KIAA0513: variants seen among roughly 807,000 people sequenced by gnomAD.
KIAA0513 encodes the protein uncharacterized protein KIAA0513.
A neutral mutation model predicts 56.5 loss-of-function variants in KIAA0513; 39 were observed. The ratio of observed to expected loss-of-function variants is 0.69; its 90% CI spans 0.53 to 0.90. KIAA0513 has a LOEUF of 0.90. KIAA0513 is among the 40% of genes least tolerant of loss of function. The probability of loss-of-function intolerance (pLI) is 0.00; values close to 1 mark genes in which losing one functional copy is unlikely to be tolerated. For synonymous variants in KIAA0513, 268 were observed against 215.6 expected (o/e 1.24, Z -2.13); for missense variants, 591 against 535.2 (o/e 1.10, Z -1.03).
Position 85,066,925 on chromosome 16 carries a change from G to A in KIAA0513, c.-147G>A, listed in dbSNP as rs2073490553. ...ATGCCGTAGGGCCAGGTGAGCTGCT[G>A]TGAAGGACTCATTCTTGGTAGCCGG... On this transcript the variant is annotated 5_prime_UTR_variant, in exon 2 of 13. It adds an upstream start codon to the 5' untranslated region. Coordinates refer to ENST00000683363, the MANE Select transcript of KIAA0513 (RefSeq NM_001388359.1). 1.6e-6 allele frequency: 1 copy of A among 613,818 alleles called. No individual in the cohort carries two copies. Among genetic ancestry groups the A allele is most frequent in the Middle Eastern group, 4.5e-4 (1 of 2,240 alleles). The allele number at this position is 613,818 out of a possible 1,614,324, so 38.0% of individuals were successfully genotyped here. A position where few individuals can be genotyped will look rare whatever the true frequency, so the allele number is the denominator to read the frequency against.
chr16:85,067,371 T>C lies in KIAA0513; in HGVS notation c.300T>C (p.Arg100=). The part of the protein sequence containing the change: ...EETLALRDFM[R]GYVEKIFSGG... ...CCCTGGCACTCAGGGACTTCATGCG[T>C]GGCTACGTGGAGAAGATCTTCTCTG... is the stretch of plus-strand genomic sequence containing the variant. Residue 100 remains arginine (R), a synonymous_variant, in exon 2 of 13, where the codon CGT becomes CGC. Coordinates refer to ENST00000683363, the MANE Select transcript of KIAA0513 (RefSeq NM_001388359.1). 2 of 1,605,692 alleles carry C rather than the reference T, an allele frequency of 1.2e-6. No individual in the cohort carries two copies. Among genetic ancestry groups the C allele is most frequent in the Non-Finnish European group, 1.7e-6 (2 of 1,179,820 alleles).
At chr16:85,044,547 G>A (rs1284331366) in intron 1 of KIAA0513, among the ~76,000 whole-genome samples, 3 of 147,860 alleles carry the variant, frequency 2.0e-5, no homozygotes, top group East Asian at 2.0e-4. Flanking sequence ...TCGCCCTGTC[G>A]CCAGGCTGGA....
At chr16:85,080,664 C>T (rs2073730537) in intron 8 of KIAA0513, among the ~76,000 whole-genome samples, 1 of 152,078 alleles carries the variant, frequency 6.6e-6, no homozygotes, top group Non-Finnish European at 1.5e-5. Context: ...TGTGGTGGCG[C>T]ATGCCTATAA....
intron 1 of KIAA0513, among the ~76,000 whole-genome samples, chr16:85,048,339 A>T (rs998786511): frequency 6.6e-6 from 1 of 152,216 alleles, no homozygotes; most frequent in Admixed American, 6.5e-5. Flanking sequence ...AAAGGTATCG[A>T]TGGAGACATG....
At position 85,081,220 on chromosome 16, in the gene KIAA0513, T is replaced by A. The variant is rs2073739222; in HGVS notation, c.903-95T>A. 3 of 1,091,710 alleles carry A rather than the reference T, an allele frequency of 2.7e-6. No individual in the cohort carries two copies. In the South Asian group the frequency reaches 3.8e-5, roughly 14 times the overall value. The allele number at this position is 1,091,710 out of a possible 1,614,324, so 67.6% of individuals were successfully genotyped here. ...GACTTCTTAGAAGCTCAGACAGATGTGAGACACTGCCCTTGTTTATCCCTC... is the reference window on the plus strand; with the variant it reads ...GACTTCTTAGAAGCTCAGACAGATGAGAGACACTGCCCTTGTTTATCCCTC... On this transcript the variant is annotated intron_variant, in intron 8 of 12. Transcript: ENST00000683363. The surrounding 1 kb of genome is among the most constrained non-coding windows in gnomAD (Gnocchi z 4.4).
chr16:85,043,401 A>ATTTTT (rs761248323), intron 1 of KIAA0513, among the ~76,000 whole-genome samples: 6 of 77,920 alleles, frequency 7.7e-5, no homozygotes, highest in Admixed American at 1.7e-4. Flanking sequence ...TGCTTCTTGG[A>ATTTTT]TTTTTTTTTT....
intron 1 of KIAA0513, among the ~76,000 whole-genome samples, chr16:85,062,455 T>C (rs1479265250): frequency 6.6e-6 from 1 of 151,862 alleles, no homozygotes. Context: ...CGCAGGGGGG[T>C]TGCAGTGCTT....
chr16:85,032,321 G>A, intron 1 of KIAA0513, among the ~76,000 whole-genome samples: 1 of 152,208 alleles, frequency 6.6e-6, no homozygotes, highest in East Asian at 1.9e-4. Flanking sequence ...TGGACCTGGG[G>A]TCCACACTAC....
At chr16:85,066,865 T>C (rs1217624598) in intron 1 of KIAA0513, 35 bp from the exon 2 acceptor site, 1 of 477,284 alleles carries the variant, frequency 2.1e-6, no homozygotes, top group East Asian at 3.4e-5. Flanking sequence ...TGGTGAGGAG[T>C]GGCGCTAATG....
rs745812239 is a variant in KIAA0513, at chr16:85,086,708, A to C, written c.1075A>C (p.Thr359Pro). ...CAGCCTCCGGTTCAACGAGAACATC[A>C]CCTTCGGGCAGCTGGGGTAAGGGCC... The part of the protein sequence containing the change: ...DDSLRFNENI[T>P]FGQLGTFTHN... The change falls in exon 11 of 13, where the codon ACC (threonine) becomes CCC (proline). Residue 359 changes from threonine to proline, a missense_variant. Transcript: ENST00000683363. 5 of 1,613,008 alleles carry C rather than the reference A, an allele frequency of 3.1e-6. No individual in the cohort carries two copies. Among genetic ancestry groups the C allele is most frequent in the Non-Finnish European group, 4.2e-6 (5 of 1,179,744 alleles).
chr16:85,088,697 T>G lies in KIAA0513; in HGVS notation c.*372T>G. 2 of 214,616 alleles carry G rather than the reference T, an allele frequency of 9.3e-6. No individual in the cohort carries two copies. The highest frequency in any genetic ancestry group is 1.9e-5 in the Non-Finnish European group (2 of 107,318). 13.3% of individuals were successfully genotyped at this position (214,616 alleles called of 1,614,324 possible). A position where few individuals can be genotyped will look rare whatever the true frequency, so the allele number is the denominator to read the frequency against. ...GCAAGGGATGCAGGCAGGACAGCCA[T>G]GAGGTGGGGCTGCAGCCGGCACACC... On this transcript the variant is annotated 3_prime_UTR_variant, in exon 13 of 13. Transcript: ENST00000683363.
At chr16:85,077,756 C>A in intron 6 of KIAA0513, 124 bp downstream of exon 6, 1 of 712,576 alleles carries the variant, frequency 1.4e-6, no homozygotes. Context: ...CACTGCGCTG[C>A]CCAGCCACTT....
intron 1 of KIAA0513, among the ~76,000 whole-genome samples, chr16:85,031,137 T>G (rs909718768): frequency 2.6e-5 from 4 of 152,202 alleles, no homozygotes; most frequent in Admixed American, 2.6e-4. Flanking sequence ...AAGCTCATTC[T>G]GTAGAGGCCC....
At chr16:85,052,964 C>G (rs1171518095) in intron 1 of KIAA0513, among the ~76,000 whole-genome samples, 1 of 152,132 alleles carries the variant, frequency 6.6e-6, no homozygotes, top group Non-Finnish European at 1.5e-5. Context: ...GATCTCGGCT[C>G]ACTGCAACCT....
rs757731890 is a variant in KIAA0513, at chr16:85,071,868, T to A, written c.415T>A (p.Tyr139Asn). Residue 139 changes from tyrosine to asparagine, a missense_variant, in exon 3 of 13, where the codon TAC (tyrosine) becomes AAC (asparagine). By Grantham distance (143) the Tyr-to-Asn change is moderately radical (BLOSUM62 -2). Coordinates refer to ENST00000683363, the MANE Select transcript of KIAA0513 (RefSeq NM_001388359.1). ...NGKGREWFARYVSAQRCNSKC... is the reference protein window; with the variant it reads ...NGKGREWFARNVSAQRCNSKC... ...AAAAGGCCGGGAGTGGTTTGCTCGA[T>A]ACGTGAGTGCCCAGGTAAGGGCGAG... 1 of 1,610,276 alleles carries A rather than the reference T, an allele frequency of 6.2e-7. No individual in the cohort carries two copies.
chr16:85,090,606 G>A lies in KIAA0513; in HGVS notation c.*2281G>A, dbSNP rs1400072936. On this transcript the variant is annotated 3_prime_UTR_variant, in exon 13 of 13. Transcript: ENST00000683363. ...CATTTCAGGGGAGGAAAGGGTTGGG[G>A]TTTTCTTTGTTTGTTTGTTTGTTTC... 6.6e-6 allele frequency: 1 copy of A among 152,224 alleles called. No individual in the cohort carries two copies. The highest frequency in any genetic ancestry group is 1.9e-4 in the East Asian group (1 of 5,202). The allele number at this position is 152,224 out of a possible 1,614,324, so 9.4% of individuals were successfully genotyped here.
chr16:85,031,756 C>T (rs756930367), intron 1 of KIAA0513, among the ~76,000 whole-genome samples: 1 of 152,216 alleles, frequency 6.6e-6, no homozygotes, highest in Non-Finnish European at 1.5e-5. Context: ...ATATCACATC[C>T]TTAGTGAGAC....
intron 1 of KIAA0513, among the ~76,000 whole-genome samples, chr16:85,040,665 C>T (rs2073093436): frequency 6.6e-6 from 1 of 152,170 alleles, no homozygotes; most frequent in African/African-American, 2.4e-5. Flanking sequence ...CTTTTCATTC[C>T]CTTCTCTCTG....
At chr16:85,030,240 TG>T (rs1266603061) in intron 1 of KIAA0513, among the ~76,000 whole-genome samples, 2 of 152,174 alleles carry the variant, frequency 1.3e-5, no homozygotes, top group African/African-American at 4.8e-5. Context: ...CTTAAGTCTC[TG>T]TGTTTCCAAA....
Sources: gnomAD v4.1 joint callset for allele counts (sites outside exome capture counted in the v4.1 genomes callset) on GRCh38, gnomAD v4.1.1 for gene constraint, Gnocchi (gnomAD v3.1) non-coding constraint, MANE v1.5 for transcripts, NCBI Gene and HGNC (gene_info 2026-07-23, HGNC 2026-07-21) for gene names.